PLCB1: variants seen among roughly 807,000 people sequenced by gnomAD.
PLCB1 encodes phospholipase C beta 1.
PLCB1 carries 46 observed loss-of-function variants against 161.8 expected under a neutral mutation model. The ratio of observed to expected loss-of-function variants is 0.28; its 90% CI spans 0.22 to 0.36. The LOEUF (loss-of-function observed/expected upper bound fraction) is 0.36. Ranked by LOEUF, PLCB1 falls within the 10% of genes least tolerant of loss-of-function variation. The pLI is 1.00. For missense variants in PLCB1, 1,016 were observed against 1,472.5 expected, an observed-to-expected ratio of 0.69 and a Z score of 5.07; for synonymous variants, 517 against 503.7, an observed-to-expected ratio of 1.03 and a Z score of -0.35.
chr20:8,472,108 G>A (rs1982078001), intron 3 of PLCB1, among the ~76,000 whole-genome samples: 1 of 152,078 alleles, frequency 6.6e-6, no homozygotes, highest in African/African-American at 2.4e-5. Context: ...CTCCCCTAAG[G>A]TACTAGCAAT....
chr20:8,301,777 G>A lies in PLCB1; in HGVS notation c.178-69605G>A, dbSNP rs187576178. Among the ~76,000 whole-genome samples, 28 of 152,336 alleles carry A rather than the reference G, an allele frequency of 1.8e-4. 1 individual carries two copies. The highest frequency in any genetic ancestry group is 3.4e-3 in the Middle Eastern group (1 of 294). The stretch of plus-strand genomic sequence containing the variant: ...CATTTGCTTTGAAGGATTTATCCTC[G>A]GGAAATAATTGGAGTTGTGCCTTGA... On this transcript the variant is annotated intron_variant, in intron 2 of 31. Transcript: ENST00000338037.
intron 23 of PLCB1, chr20:8,750,847 C>T (rs772153298): frequency 2.6e-5 from 36 of 1,365,068 alleles, no homozygotes; most frequent in Admixed American, 5.7e-5. Flanking sequence ...ACCCGTAATA[C>T]GCTGGAAAAA....
chr20:8,789,584 G>A lies in PLCB1; in HGVS notation c.3336+9G>A. On this transcript the variant is annotated intron_variant, in intron 30 of 31. Coordinates refer to ENST00000338037, the MANE Select transcript of PLCB1 (RefSeq NM_015192.4). Reference sequence around the variant, plus strand: ...TGCAGTATATCAAGAGGGTATGTGGGCTCATCACGCTCTCTCCTTTGCAAA... The same window carrying A: ...TGCAGTATATCAAGAGGGTATGTGGACTCATCACGCTCTCTCCTTTGCAAA... 2 of 1,589,626 alleles carry A rather than the reference G, an allele frequency of 1.3e-6. No homozygotes were observed. Among genetic ancestry groups the A allele is most frequent in the Non-Finnish European group, 1.7e-6 (2 of 1,157,692 alleles).
At chr20:8,559,208 G>A (rs1017873191) in intron 3 of PLCB1, among the ~76,000 whole-genome samples, 3 of 151,862 alleles carry the variant, frequency 2.0e-5, no homozygotes, top group African/African-American at 7.2e-5. Flanking sequence ...GAGATATGGA[G>A]AATATAAGAG....
chr20:8,711,451 T>C (rs1178339242), intron 12 of PLCB1, among the ~76,000 whole-genome samples: 1 of 152,186 alleles, frequency 6.6e-6, no homozygotes, highest in Non-Finnish European at 1.5e-5. Context: ...CTTATGGGCT[T>C]AAAAATGATA....
At chr20:8,486,720 C>A (rs1377454984) in intron 3 of PLCB1, among the ~76,000 whole-genome samples, 2 of 151,726 alleles carry the variant, frequency 1.3e-5, no homozygotes, top group Non-Finnish European at 2.9e-5. Context: ...TGGTCTCGAT[C>A]TCCTGACCTC....
At chr20:8,523,484 CTCTCTCTCTCTCTATATATATA>C (rs1234821323) in intron 3 of PLCB1, among the ~76,000 whole-genome samples, 2 of 59,864 alleles carry the variant, frequency 3.3e-5, no homozygotes, top group Non-Finnish European at 3.3e-5. Flanking sequence ...CTCTCTCTCT[CTCTCTCTCTCTCTATATATATA>C]TATATATATA....
intron 3 of PLCB1, among the ~76,000 whole-genome samples, chr20:8,458,205 C>T (rs777565038): frequency 3.3e-5 from 5 of 152,152 alleles, no homozygotes; most frequent in Admixed American, 6.5e-5. Flanking sequence ...TTGACTGTAT[C>T]GTGACTGTTG....
At chr20:8,362,179 A>T (rs1307720132) in intron 2 of PLCB1, among the ~76,000 whole-genome samples, 6 of 152,160 alleles carry the variant, frequency 3.9e-5, no homozygotes, top group Admixed American at 3.9e-4. Flanking sequence ...AAAATAAAAC[A>T]CGTGCTATAA....
At chr20:8,309,936 A>G (rs1984318958) in intron 2 of PLCB1, among the ~76,000 whole-genome samples, 1 of 152,218 alleles carries the variant, frequency 6.6e-6, no homozygotes, top group Non-Finnish European at 1.5e-5. Flanking sequence ...TGCTACTGCT[A>G]TGCCTAAGTA....
intron 11 of PLCB1, among the ~76,000 whole-genome samples, chr20:8,700,812 A>G (rs1487412873): frequency 1.3e-5 from 2 of 152,184 alleles, no homozygotes. Flanking sequence ...TGGTTTTTCC[A>G]GCTATTCCTC....
intron 31 of PLCB1, among the ~76,000 whole-genome samples, chr20:8,790,522 TCAGA>T (rs1329984635): frequency 6.6e-6 from 1 of 152,180 alleles, no homozygotes; most frequent in African/African-American, 2.4e-5. Flanking sequence ...GGGGTATGGC[TCAGA>T]CAAAGGTATT....
At chr20:8,231,652 C>A (rs1165111049) in intron 2 of PLCB1, among the ~76,000 whole-genome samples, 3 of 152,136 alleles carry the variant, frequency 2.0e-5, no homozygotes, top group Non-Finnish European at 4.4e-5. Flanking sequence ...CTTCTTTGCA[C>A]GCATTCCCAA....
At chr20:8,673,066 C>T (rs555721634) in intron 9 of PLCB1, among the ~76,000 whole-genome samples, 7 of 151,914 alleles carry the variant, frequency 4.6e-5, no homozygotes, top group African/African-American at 1.7e-4. Flanking sequence ...GAGCCGAGAT[C>T]GTGCCACTGC....
chr20:8,626,270 T>C (rs1021817031), intron 3 of PLCB1, among the ~76,000 whole-genome samples: 1 of 152,050 alleles, frequency 6.6e-6, no homozygotes, highest in African/African-American at 2.4e-5. Flanking sequence ...ATGTTTCTTA[T>C]AAATTCTTAG....
At position 8,546,313 on chromosome 20, in the gene PLCB1, C is replaced by CA. The variant is rs369485988; in HGVS notation, c.247-81956dup. The stretch of plus-strand genomic sequence containing the variant: ...GGATGACAAGAACAAGACTCTATCT[C>CA]AAAAAAAAAAAAAAAAAAAAAAAAA... On this transcript the variant is annotated intron_variant, in intron 3 of 31. Transcript: ENST00000338037. Among the ~76,000 whole-genome samples, 2,490 of 102,380 alleles carry CA rather than the reference C, an allele frequency of 0.024. 131 individuals carry two copies. The East Asian group carries it at 0.29, about 12-fold the overall frequency. 67.2% of individuals were successfully genotyped at this position (102,380 alleles called of 152,430 possible).
At chr20:8,668,229 T>C (rs1989862123) in intron 9 of PLCB1, among the ~76,000 whole-genome samples, 1 of 151,958 alleles carries the variant, frequency 6.6e-6, no homozygotes, top group Non-Finnish European at 1.5e-5. Flanking sequence ...CTGAAAAATG[T>C]ACCATAGTAG....
intron 3 of PLCB1, among the ~76,000 whole-genome samples, chr20:8,561,622 T>G (rs13040221): frequency 0.38 from 57,615 of 151,894 alleles, 11,390 homozygotes; most frequent in Non-Finnish European, 0.41. Context: ...TTTTAATTTA[T>G]TTTTCCCTCC....
chr20:8,318,454 C>CA (rs1288407538), intron 2 of PLCB1, among the ~76,000 whole-genome samples: 2 of 151,162 alleles, frequency 1.3e-5, no homozygotes, highest in South Asian at 4.3e-4. Context: ...ATTGCCCCCC[C>CA]CCTTTTTCTT....
Sources: gnomAD v4.1 joint callset for allele counts (sites outside exome capture counted in the v4.1 genomes callset) on GRCh38, gnomAD v4.1.1 for gene constraint, MANE v1.5 for transcripts, NCBI Gene and HGNC (gene_info 2026-07-23, HGNC 2026-07-21) for gene names.